Variants in TFEC observed in about 807,000 individuals in gnomAD.
TFEC encodes the protein class E basic helix-loop-helix protein 34.
Under a neutral mutation model 41.6 loss-of-function variants are expected in TFEC, and 31 were observed. That is an observed-to-expected ratio of 0.74 (90% confidence interval 0.56 to 1.01). The LOEUF is 1.01. TFEC is among the 50% of genes least tolerant of loss of function. The pLI is 0.00. For synonymous variants in TFEC, 143 were observed against 140.6 expected (o/e 1.02, Z -0.12); for missense variants, 402 against 404.1 (o/e 0.99, Z 0.04).
At chr7:116,014,046 T>C (rs368969596) in intron 1 of TFEC, among the ~76,000 whole-genome samples, 20 of 152,186 alleles carry the variant, frequency 1.3e-4, no homozygotes, top group Non-Finnish European at 1.2e-4. Flanking sequence ...AAATATACAC[T>C]GAACAGACCC....
intron 2 of TFEC, among the ~76,000 whole-genome samples, chr7:115,976,286 G>T (rs552017925): frequency 2.1e-4 from 32 of 152,020 alleles, no homozygotes; most frequent in Non-Finnish European, 4.0e-4. Flanking sequence ...TTAGCCAGGC[G>T]TGGTGGTGTG....
chr7:116,107,441 T>G (rs1177152341), intron 3 of TFEC, among the ~76,000 whole-genome samples: 1 of 152,194 alleles, frequency 6.6e-6, no homozygotes, highest in Non-Finnish European at 1.5e-5. Context: ...ATTAAATACT[T>G]ATTTTCCTTG....
At chr7:116,101,959 T>C (rs1248602355) in intron 3 of TFEC, among the ~76,000 whole-genome samples, 1 of 152,216 alleles carries the variant, frequency 6.6e-6, no homozygotes, top group African/African-American at 2.4e-5. Context: ...CTTACTAGTA[T>C]CCTTTTCTAT....
At chr7:116,158,312 A>C (rs1798909207) in intron 1 of TFEC, among the ~76,000 whole-genome samples, 1 of 152,074 alleles carries the variant, frequency 6.6e-6, no homozygotes, top group South Asian at 2.1e-4. Context: ...CATCTTCAAA[A>C]GTAATATCAG....
chr7:116,056,840 T>C (rs1796441997), intron 3 of TFEC, among the ~76,000 whole-genome samples: 2 of 151,950 alleles, frequency 1.3e-5, no homozygotes, highest in South Asian at 2.1e-4. Context: ...ATATAACCCA[T>C]AATAAAGAGA....
chr7:115,983,293 C>T (rs750137863), intron 2 of TFEC, among the ~76,000 whole-genome samples: 1 of 151,938 alleles, frequency 6.6e-6, no homozygotes, highest in South Asian at 2.1e-4. Context: ...TAACAATCTG[C>T]CACATCCTTA....
intron 7 of TFEC, chr7:115,941,638 TACAC>T (rs1793505897): frequency 4.5e-6 from 2 of 441,984 alleles, no homozygotes; most frequent in African/African-American, 2.0e-5. Context: ...CATGCACACA[TACAC>T]ACATATATAC....
chr7:116,157,806 A>T (rs1257081126), intron 1 of TFEC, among the ~76,000 whole-genome samples: 1 of 152,086 alleles, frequency 6.6e-6, no homozygotes, highest in Non-Finnish European at 1.5e-5. Flanking sequence ...ATACAGTCAC[A>T]CACAGAACTT....
chr7:116,095,548 T>C (rs1352196736), intron 3 of TFEC, among the ~76,000 whole-genome samples: 1 of 152,204 alleles, frequency 6.6e-6, no homozygotes, highest in Non-Finnish European at 1.5e-5. Flanking sequence ...CACTAAGACT[T>C]TACTGTGATG....
chr7:116,011,472 A>C (rs113678631), intron 1 of TFEC, among the ~76,000 whole-genome samples: 13 of 152,294 alleles, frequency 8.5e-5, no homozygotes, highest in African/African-American at 2.9e-4. Context: ...ATCAAAAATT[A>C]AAATTCAAAT....
intron 3 of TFEC, among the ~76,000 whole-genome samples, chr7:116,085,235 C>G (rs1168123451): frequency 6.6e-6 from 1 of 151,734 alleles, no homozygotes; most frequent in Non-Finnish European, 1.5e-5. Flanking sequence ...AGATAGAAAC[C>G]AGATCATGCA....
At chr7:116,015,482 T>C (rs1329709006) in intron 1 of TFEC, among the ~76,000 whole-genome samples, 2 of 152,164 alleles carry the variant, frequency 1.3e-5, no homozygotes, top group Non-Finnish European at 2.9e-5. Context: ...TAAGCTTTGT[T>C]CTTACAGCCC....
intron 6 of TFEC, among the ~76,000 whole-genome samples, chr7:115,945,152 T>C (rs1389302867): frequency 2.1e-5 from 3 of 145,166 alleles, no homozygotes; most frequent in African/African-American, 7.5e-5. Context: ...TTTTTTTTTT[T>C]CAGATCCACT....
chr7:115,985,404 G>A (rs1009837036), intron 1 of TFEC, among the ~76,000 whole-genome samples: 2 of 152,042 alleles, frequency 1.3e-5, no homozygotes, highest in African/African-American at 4.8e-5. Flanking sequence ...TATATTTACT[G>A]TGCTATTCTG....
At chr7:116,118,855 T>C (rs554474683) in intron 1 of TFEC, among the ~76,000 whole-genome samples, 1 of 151,920 alleles carries the variant, frequency 6.6e-6, no homozygotes, top group African/African-American at 2.4e-5. Flanking sequence ...ATGACACAAA[T>C]AGCTATGTTT....
At chr7:115,980,004 A>T (rs1482245316) in intron 2 of TFEC, among the ~76,000 whole-genome samples, 1 of 152,184 alleles carries the variant, frequency 6.6e-6, no homozygotes, top group Admixed American at 6.5e-5. Context: ...TTTGATTATG[A>T]TACTTTTGTA....
At chr7:116,035,207 TC>T (rs781644549), upstream of TFEC, among the ~76,000 whole-genome samples, 2 of 152,012 alleles carry the variant, frequency 1.3e-5, no homozygotes, top group East Asian at 1.9e-4. Flanking sequence ...AAATTTTGAC[TC>T]CAAATTCTCT....
At chr7:116,080,509 T>G (rs775303109) in intron 3 of TFEC, among the ~76,000 whole-genome samples, 1 of 151,532 alleles carries the variant, frequency 6.6e-6, no homozygotes, top group African/African-American at 2.4e-5. Flanking sequence ...ACAAAAAACA[T>G]TCCCATCAAA....
intron 1 of TFEC, among the ~76,000 whole-genome samples, chr7:116,136,275 C>CA (rs1424547201): frequency 6.6e-6 from 1 of 151,870 alleles, no homozygotes; most frequent in Admixed American, 6.6e-5. Context: ...CAATTCGAAG[C>CA]AATTTAATAA....
Sources: allele counts gnomAD v4.1 joint callset (sites outside exome capture counted in the v4.1 genomes callset), GRCh38; gene constraint gnomAD v4.1.1; transcripts MANE v1.5; gene names NCBI Gene and HGNC (gene_info 2026-07-23, HGNC 2026-07-21).